Variants in CDKL4 observed in about 807,000 individuals in gnomAD.
CDKL4 encodes the protein cyclin dependent kinase like 4.
CDKL4 carries 44 observed loss-of-function variants against 42.0 expected under a neutral mutation model. That is an observed-to-expected ratio of 1.05 (90% CI 0.82 to 1.35). The LOEUF (loss-of-function observed/expected upper bound fraction) is 1.35. Among genes scored for constraint, CDKL4 ranks in the 40% most tolerant of loss-of-function variants. The probability of loss-of-function intolerance (pLI) is 0.00; values close to 1 mark genes in which losing one functional copy is unlikely to be tolerated. For synonymous variants in CDKL4, 120 were observed against 121.6 expected (o/e 0.99, Z 0.09); for missense variants, 393 against 369.9 (o/e 1.06, Z -0.51).
chr2:39,229,443 T>G, exon 2 of CDKL4: 1 of 1,613,460 alleles, frequency 6.2e-7, no homozygotes, highest in Non-Finnish European at 8.5e-7. Flanking sequence ...TTTTAACAGC[T>G]ACTACTTGTC....
In CDKL4 at chr2:39,186,816, TTC is replaced by T. The variant is rs531259541; in HGVS notation, c.735+809_735+810del. ...GAGAATATAATTATTTAAGGGAAAA[TTC>T]TCCTAAGGCTTTGACCAATGGATTA... On this transcript the variant is annotated intron_variant, in intron 7 of 9. Coordinates refer to ENST00000451199, the Ensembl canonical transcript of CDKL4. Among the ~76,000 whole-genome samples, 422 of 152,242 alleles carry T rather than the reference TTC, an allele frequency of 2.8e-3. 1 individual carries two copies. The highest frequency in any genetic ancestry group is 5.0e-3 in the Non-Finnish European group (342 of 68,012).
At chr2:39,241,793 A>G (rs774640153) in intron 1 of CDKL4, among the ~76,000 whole-genome samples, 2 of 152,142 alleles carry the variant, frequency 1.3e-5, no homozygotes, top group Non-Finnish European at 2.9e-5. Context: ...TTTCAAAAAC[A>G]TTATCACATT....
intron 5 of CDKL4, among the ~76,000 whole-genome samples, chr2:39,193,989 T>A (rs1465193902): frequency 6.6e-6 from 1 of 152,246 alleles, no homozygotes; most frequent in South Asian, 2.1e-4. Context: ...TTCTCAGTAA[T>A]AAATGGTTCT....
At chr2:39,244,145 C>A (rs1679805123), upstream of CDKL4, among the ~76,000 whole-genome samples, 1 of 152,254 alleles carries the variant, frequency 6.6e-6, no homozygotes, top group African/African-American at 2.4e-5. Flanking sequence ...GGTCTCGACG[C>A]CTCCTATGCC....
At chr2:39,173,762 G>A (rs1454277102), downstream of CDKL4, among the ~76,000 whole-genome samples, 1 of 147,790 alleles carries the variant, frequency 6.8e-6, no homozygotes, top group South Asian at 2.1e-4. Context: ...GCAGTGAGCC[G>A]AGATTGTGCC....
intron 5 of CDKL4, among the ~76,000 whole-genome samples, chr2:39,195,506 C>G (rs560300263): frequency 2.6e-5 from 4 of 152,206 alleles, no homozygotes; most frequent in Admixed American, 6.5e-5. Flanking sequence ...AATAGTCATC[C>G]TAATGGGTGC....
chr2:39,180,929 T>C (rs1039538588), intron 8 of CDKL4, among the ~76,000 whole-genome samples: 1 of 152,172 alleles, frequency 6.6e-6, no homozygotes, highest in African/African-American at 2.4e-5. Context: ...CCTCAAGTGA[T>C]CTGCCCACCT....
In CDKL4 at chr2:39,188,345, G is replaced by A. The variant is rs1314343212; in HGVS notation, c.653-636C>T. ...TGGGAGGCAGAGGGAGGTGGATCAC[G>A]AAGTCAAGAAATCGAGACCATCCTG... On this transcript the variant is annotated intron_variant, in intron 6 of 9. Transcript: ENST00000451199. 5.3e-5 allele frequency among the ~76,000 whole-genome samples: 8 copies of A among 151,844 alleles called. No individual in the cohort carries two copies. In the South Asian group the frequency reaches 8.3e-4, roughly 16 times the overall value.
At chr2:39,216,114 T>C (rs972347412) in intron 3 of CDKL4, among the ~76,000 whole-genome samples, 13 of 152,216 alleles carry the variant, frequency 8.5e-5, no homozygotes, top group Admixed American at 5.9e-4. Context: ...GAACACGTTA[T>C]TTAAGCTCTC....
At chr2:39,186,830 T>C (rs752943054) in intron 7 of CDKL4, among the ~76,000 whole-genome samples, 4 of 152,190 alleles carry the variant, frequency 2.6e-5, no homozygotes, top group Non-Finnish European at 5.9e-5. Flanking sequence ...CCTAAGGCTT[T>C]GACCAATGGA....
At chr2:39,209,924 T>C (rs1677487238) in intron 4 of CDKL4, among the ~76,000 whole-genome samples, 1 of 152,206 alleles carries the variant, frequency 6.6e-6, no homozygotes, top group African/African-American at 2.4e-5. Context: ...AAAAGGCAGA[T>C]ACACAAAGGC....
downstream of CDKL4, among the ~76,000 whole-genome samples, chr2:39,173,692 C>A (rs575490113): frequency 3.9e-5 from 6 of 151,900 alleles, no homozygotes; most frequent in Admixed American, 2.6e-4. Context: ...CGCCTGTAGT[C>A]CCAGCTACTA....
downstream of CDKL4, among the ~76,000 whole-genome samples, chr2:39,171,094 C>T (rs1436932411): frequency 6.6e-6 from 1 of 151,994 alleles, no homozygotes; most frequent in East Asian, 1.9e-4. Context: ...CAAAGATTAG[C>T]TGGGCGTGGT....
intron 5 of CDKL4, among the ~76,000 whole-genome samples, chr2:39,193,937 C>T (rs1335722125): frequency 2.0e-5 from 3 of 152,094 alleles, no homozygotes; most frequent in African/African-American, 7.2e-5. Flanking sequence ...AATTCTTTAG[C>T]CATTTCCTTA....
intron 1 of CDKL4, among the ~76,000 whole-genome samples, chr2:39,240,420 C>CA (rs1186226288): frequency 0.065 from 5,439 of 83,828 alleles, 359 homozygotes; most frequent in African/African-American, 0.21. Context: ...GACTTCGTCT[C>CA]AAAAAAAAAA....
chr2:39,234,008 G>A (rs1679226274), intron 1 of CDKL4, among the ~76,000 whole-genome samples: 1 of 150,994 alleles, frequency 6.6e-6, no homozygotes, highest in South Asian at 2.1e-4. Flanking sequence ...CTGCCTCCCG[G>A]GTTCAAGCGA....
At chr2:39,189,181 G>A (rs1350226599) in intron 6 of CDKL4, among the ~76,000 whole-genome samples, 1 of 152,224 alleles carries the variant, frequency 6.6e-6, no homozygotes, top group Admixed American at 6.5e-5. Flanking sequence ...TGCCAGGAGA[G>A]CCTGTGGGAA....
downstream of CDKL4, among the ~76,000 whole-genome samples, chr2:39,175,142 G>C (rs975334702): frequency 6.6e-6 from 1 of 152,072 alleles, no homozygotes; most frequent in African/African-American, 2.4e-5. Flanking sequence ...CACTAGTTTT[G>C]GGCTGTACAA....
At chr2:39,169,956 G>T in the CDKL4 span, among the ~76,000 whole-genome samples, 1 of 152,004 alleles carries the variant, frequency 6.6e-6, no homozygotes, top group Non-Finnish European at 1.5e-5. Context: ...CTTCAGCCTT[G>T]ACCTCCTGGG....
Sources: allele counts gnomAD v4.1 joint callset (sites outside exome capture counted in the v4.1 genomes callset), GRCh38; gene constraint gnomAD v4.1.1; transcripts MANE v1.5; gene names NCBI Gene and HGNC (gene_info 2026-07-23, HGNC 2026-07-21).